The following SLCO3A1 variants were observed in gnomAD, a reference collection of about 807,000 sequenced individuals.
SLCO3A1 encodes the protein PGE1 transporter.
A neutral mutation model predicts 63.1 loss-of-function variants in SLCO3A1; 27 were observed. The ratio of observed to expected loss-of-function variants is 0.43; its 90% CI spans 0.32 to 0.59. The LOEUF is 0.59. Among genes scored for constraint, SLCO3A1 ranks in the 20% least tolerant of loss-of-function variants. The pLI is 0.09. For missense variants in SLCO3A1, 773 were observed against 945.8 expected (o/e 0.82, Z 2.40); for synonymous variants, 473 against 409.9 (o/e 1.15, Z -1.86).
chr15:92,102,357 T>C (rs547866753), intron 3 of SLCO3A1, among the ~76,000 whole-genome samples: 62 of 152,262 alleles, frequency 4.1e-4, no homozygotes, highest in African/African-American at 1.4e-3. Context: ...TATTTTGAGA[T>C]TCTCATTTAT....
intron 2 of SLCO3A1, among the ~76,000 whole-genome samples, chr15:91,951,550 T>C (rs1323558481): frequency 6.7e-6 from 1 of 149,572 alleles, no homozygotes; most frequent in African/African-American, 2.5e-5. Context: ...TTCTTTCTTT[T>C]TTCTTTTCTT....
intron 2 of SLCO3A1, among the ~76,000 whole-genome samples, chr15:92,074,780 GT>G (rs113918279): frequency 0.63 from 95,941 of 151,356 alleles, 30,857 homozygotes; most frequent in Admixed American, 0.75. Context: ...AAGCAGGGCG[GT>G]GGGGGGTGGC....
intron 2 of SLCO3A1, among the ~76,000 whole-genome samples, chr15:92,031,673 G>C (rs1229452825): frequency 2.0e-5 from 3 of 152,116 alleles, no homozygotes; most frequent in African/African-American, 7.2e-5. Flanking sequence ...GTCTTTTGCG[G>C]GTACATAGTA....
intron 1 of SLCO3A1, among the ~76,000 whole-genome samples, chr15:91,887,434 C>T (rs1897754020): frequency 6.6e-6 from 1 of 152,172 alleles, no homozygotes; most frequent in Non-Finnish European, 1.5e-5. Flanking sequence ...CGGCCGCTAA[C>T]CCTGCACCCT....
At chr15:92,074,851 G>A in intron 2 of SLCO3A1, among the ~76,000 whole-genome samples, 1 of 152,180 alleles carries the variant, frequency 6.6e-6, no homozygotes, top group Non-Finnish European at 1.5e-5. Context: ...CCTGTGCTGA[G>A]TGTAATCACT....
chr15:92,150,585 T>G (rs187407765), intron 8 of SLCO3A1, among the ~76,000 whole-genome samples: 2 of 152,182 alleles, frequency 1.3e-5, no homozygotes, highest in South Asian at 2.1e-4. Context: ...TCGGTTGATG[T>G]TTTCCCCCCC....
chr15:91,963,447 C>T (rs566481352), intron 2 of SLCO3A1, among the ~76,000 whole-genome samples: 3 of 150,982 alleles, frequency 2.0e-5, no homozygotes, highest in African/African-American at 7.4e-5. Context: ...CTGATTAACT[C>T]CTGAATGTTG....
intron 5 of SLCO3A1, among the ~76,000 whole-genome samples, chr15:92,122,314 G>A (rs902953508): frequency 6.6e-6 from 1 of 152,226 alleles, no homozygotes; most frequent in Non-Finnish European, 1.5e-5. Context: ...CTGTAAAGTA[G>A]GAGTCAGATT....
At chr15:92,094,730 A>G (rs1192012416) in intron 2 of SLCO3A1, 151 bp from the exon 3 acceptor site, 3 of 580,010 alleles carry the variant, frequency 5.2e-6, no homozygotes, top group Admixed American at 3.1e-5. Flanking sequence ...TCCAAAAATT[A>G]GAAATTCAGC....
intron 1 of SLCO3A1, among the ~76,000 whole-genome samples, chr15:91,911,094 C>T (rs963622668): frequency 6.6e-6 from 1 of 152,242 alleles, no homozygotes; most frequent in African/African-American, 2.4e-5. Context: ...GCAACATAGA[C>T]TGAAGCTCTC....
intron 1 of SLCO3A1, among the ~76,000 whole-genome samples, chr15:91,868,575 C>T (rs960894800): frequency 2.6e-5 from 4 of 152,216 alleles, no homozygotes; most frequent in East Asian, 1.9e-4. Context: ...CAGGCCCACA[C>T]GGTGGTAAAG....
chr15:92,125,866 C>T (rs9806471), intron 5 of SLCO3A1, among the ~76,000 whole-genome samples, 195 bp from the exon 6 acceptor site: 26 of 151,928 alleles, frequency 1.7e-4, no homozygotes, highest in African/African-American at 6.0e-4. Flanking sequence ...ATGTCTGTCT[C>T]CCCCAGTTCT....
chr15:92,016,262 A>ATAGATAGATTGAT (rs2046433998), intron 2 of SLCO3A1, among the ~76,000 whole-genome samples: 4 of 112,780 alleles, frequency 3.5e-5, no homozygotes, highest in African/African-American at 1.3e-4. Context: ...GATTAGATAG[A>ATAGATAGATTGAT]TAGATAGATA....
intron 8 of SLCO3A1, among the ~76,000 whole-genome samples, chr15:92,148,017 G>A (rs748789715): frequency 2.6e-5 from 4 of 152,174 alleles, no homozygotes; most frequent in Non-Finnish European, 5.9e-5. Flanking sequence ...AGGGGTTTGA[G>A]ACCAGCCTAG....
intron 2 of SLCO3A1, among the ~76,000 whole-genome samples, chr15:91,917,415 C>G (rs1258578285): frequency 6.6e-6 from 1 of 152,166 alleles, no homozygotes; most frequent in East Asian, 1.9e-4. Context: ...TCCTATCTGC[C>G]AGGCTTCAAG....
intron 2 of SLCO3A1, among the ~76,000 whole-genome samples, chr15:92,008,889 C>G (rs1218003582): frequency 6.6e-6 from 1 of 152,108 alleles, no homozygotes; most frequent in African/African-American, 2.4e-5. Context: ...CAGATCAACG[C>G]CCTGTCTACC....
Position 91,885,131 on chromosome 15 carries a change from C to T in SLCO3A1, c.181-30862C>T, listed in dbSNP as rs368500921. Among the ~76,000 whole-genome samples the T allele has an allele frequency of 8.5e-5, 13 of 152,198 alleles. No individual in the cohort carries two copies. Among genetic ancestry groups the T allele is most frequent in the African/African-American group, 2.9e-4 (12 of 41,438 alleles). The stretch of plus-strand genomic sequence containing the variant: ...TGATGGGGGTGGTGCTGAGCCTGCC[C>T]GCCTGCTCTGCGTCACCTGGAAGGA... On this transcript the variant is annotated intron_variant, in intron 1 of 9. Transcript: ENST00000318445. The surrounding 1 kb of genome is among the most constrained non-coding windows in gnomAD (Gnocchi z 4.7).
intron 5 of SLCO3A1, among the ~76,000 whole-genome samples, chr15:92,123,213 T>A (rs1366300222): frequency 6.6e-6 from 1 of 151,954 alleles, no homozygotes; most frequent in Non-Finnish European, 1.5e-5. Context: ...TCACCTGAGG[T>A]CAAGAGTTCA....
intron 1 of SLCO3A1, among the ~76,000 whole-genome samples, chr15:91,866,555 T>C (rs1287899257): frequency 1.3e-5 from 2 of 149,640 alleles, no homozygotes; most frequent in East Asian, 3.9e-4. Flanking sequence ...CCAGAATTTC[T>C]CTGCACAGGC....
Sources: allele counts gnomAD v4.1 joint callset (sites outside exome capture counted in the v4.1 genomes callset), GRCh38; gene constraint gnomAD v4.1.1; non-coding constraint Gnocchi (gnomAD v3.1); transcripts MANE v1.5; gene names NCBI Gene and HGNC (gene_info 2026-07-23, HGNC 2026-07-21).